Variants in VMP1 observed in about 807,000 individuals in gnomAD.
The protein encoded by VMP1 is vacuole membrane protein 1, also known as ectopic P-granules autophagy protein 3 homolog.
Under a neutral mutation model 56.0 loss-of-function variants are expected in VMP1, and 11 were observed. That is an observed-to-expected ratio of 0.20 (90% CI 0.12 to 0.32). VMP1 has a LOEUF of 0.32. Ranked by LOEUF, VMP1 falls within the 10% of genes least tolerant of loss-of-function variation. The pLI is 1.00. For synonymous variants in VMP1, 149 were observed against 165.0 expected, an observed-to-expected ratio of 0.90 and a Z score of 0.74; for missense variants, 296 against 490.3, an observed-to-expected ratio of 0.60 and a Z score of 3.74.
At chr17:59,757,265 A>C (rs978348915) in intron 5 of VMP1, among the ~76,000 whole-genome samples, 3 of 151,978 alleles carry the variant, frequency 2.0e-5, no homozygotes, top group East Asian at 3.8e-4. Context: ...AGATAGATAG[A>C]TAGATAGATA....
At chr17:59,836,245 T>A (rs3916528) in intron 10 of VMP1, among the ~76,000 whole-genome samples, 4,785 of 151,986 alleles carry the variant, frequency 0.031, 266 homozygotes, top group African/African-American at 0.11. Context: ...TTATTTATTT[T>A]TTTGAGGCAG....
intron 7 of VMP1, among the ~76,000 whole-genome samples, chr17:59,784,142 T>TGTGTGTGTGTGA (rs556387089): frequency 1.2e-3 from 154 of 130,444 alleles, no homozygotes; most frequent in South Asian, 6.1e-3. Context: ...TGTGTGTGTG[T>TGTGTGTGTGTGA]GAGAGAGAGA....
chr17:59,721,849 C>T (rs2034411611), intron 1 of VMP1, among the ~76,000 whole-genome samples: 4 of 152,194 alleles, frequency 2.6e-5, no homozygotes, highest in Admixed American at 1.3e-4. Flanking sequence ...TGGCAAAACC[C>T]CATCTATGTT....
chr17:59,814,814 A>G (rs1336481794), intron 9 of VMP1, among the ~76,000 whole-genome samples: 1 of 152,232 alleles, frequency 6.6e-6, no homozygotes, highest in Non-Finnish European at 1.5e-5. Context: ...CACTAAACTA[A>G]GACCGTGGGA....
intron 7 of VMP1, among the ~76,000 whole-genome samples, chr17:59,779,447 G>A (rs1301925313): frequency 6.6e-6 from 1 of 152,210 alleles, no homozygotes; most frequent in Non-Finnish European, 1.5e-5. Flanking sequence ...TCTTCTGGCA[G>A]TTCTGCTGAA....
intron 10 of VMP1, among the ~76,000 whole-genome samples, chr17:59,835,459 G>A (rs1318512556): frequency 6.6e-6 from 1 of 150,670 alleles, no homozygotes; most frequent in Admixed American, 6.6e-5. Flanking sequence ...ATTGATTTAT[G>A]AGAAGGAAAG....
Position 59,830,405 on chromosome 17 carries a change from A to G in VMP1, c.975-7890A>G, listed in dbSNP as rs555592941. 1.9e-3 allele frequency among the ~76,000 whole-genome samples: 296 copies of G among 152,132 alleles called. 1 individual carries two copies. Among genetic ancestry groups the G allele is most frequent in the African/African-American group, 6.7e-3 (280 of 41,492 alleles). ...CCCTGACCTGAATCTTCTCCTGAAA[A>G]ATTTTTTTTTTCATTTATAAGCTTT... On this transcript the variant is annotated intron_variant, in intron 10 of 11. Coordinates refer to ENST00000262291, the MANE Select transcript of VMP1 (RefSeq NM_030938.5).
At chr17:59,791,967 A>C (rs556835563) in intron 7 of VMP1, among the ~76,000 whole-genome samples, 2 of 152,120 alleles carry the variant, frequency 1.3e-5, no homozygotes, top group South Asian at 2.1e-4. Context: ...GCCATTTATA[A>C]ATTTGTTAAG....
chr17:59,833,988 C>T (rs1398785579), intron 10 of VMP1: 6 of 152,076 alleles, frequency 3.9e-5, no homozygotes, highest in South Asian at 4.1e-4. Context: ...TGTTTTGAGA[C>T]GGAGTTTCCC....
intron 10 of VMP1, 37 bp downstream of exon 10, chr17:59,817,810 A>G: frequency 6.6e-7 from 1 of 1,515,858 alleles, no homozygotes; most frequent in Non-Finnish European, 9.0e-7. Flanking sequence ...TAATATAATT[A>G]CTCTTTAAAT....
chr17:59,834,064 T>C (rs1184209834), intron 10 of VMP1: 2 of 151,398 alleles, frequency 1.3e-5, no homozygotes, highest in African/African-American at 2.4e-5. Flanking sequence ...CAAGCGATTC[T>C]CCTGCCTCAG....
chr17:59,760,576 ATGAT>A (rs961122342), intron 5 of VMP1, among the ~76,000 whole-genome samples: 1 of 152,094 alleles, frequency 6.6e-6, no homozygotes, highest in Non-Finnish European at 1.5e-5. Context: ...TCATTATGAC[ATGAT>A]TGTGATGATT....
intron 7 of VMP1, among the ~76,000 whole-genome samples, chr17:59,800,998 T>C (rs1426590746): frequency 4.0e-5 from 6 of 150,264 alleles, no homozygotes; most frequent in Admixed American, 2.0e-4. Flanking sequence ...GAGAATTGCT[T>C]GAATCCAGGA....
chr17:59,750,593 C>T (rs747812713), intron 5 of VMP1, among the ~76,000 whole-genome samples: 8 of 152,062 alleles, frequency 5.3e-5, no homozygotes, highest in South Asian at 2.1e-4. Context: ...TGAGCCACCA[C>T]GCCCAGCCCA....
chr17:59,783,551 G>A (rs1326142916), intron 7 of VMP1, among the ~76,000 whole-genome samples: 1 of 152,144 alleles, frequency 6.6e-6, no homozygotes, highest in Non-Finnish European at 1.5e-5. Flanking sequence ...TTTGTGGACT[G>A]TTTTATGCAA....
intron 9 of VMP1, among the ~76,000 whole-genome samples, chr17:59,814,942 T>G (rs2144243879): frequency 6.6e-6 from 1 of 152,252 alleles, no homozygotes; most frequent in East Asian, 1.9e-4. Context: ...GTAAACAATA[T>G]TAGTAATATA....
At chr17:59,743,574 C>A (rs974812072) in intron 5 of VMP1, among the ~76,000 whole-genome samples, 2 of 148,222 alleles carry the variant, frequency 1.3e-5, no homozygotes, top group African/African-American at 4.9e-5. Flanking sequence ...CTCTCTCTCT[C>A]TCTCTCTATA....
At chr17:59,804,989 AT>A in intron 7 of VMP1, among the ~76,000 whole-genome samples, 1 of 152,344 alleles carries the variant, frequency 6.6e-6, no homozygotes, top group East Asian at 1.9e-4. Flanking sequence ...TGTATGTTAA[AT>A]ACATAATAAA....
At chr17:59,755,257 G>A (rs1160332270) in intron 5 of VMP1, among the ~76,000 whole-genome samples, 5 of 151,618 alleles carry the variant, frequency 3.3e-5, no homozygotes, top group African/African-American at 1.2e-4. Context: ...ACAAGCATGC[G>A]CCACCACACC....
Sources: allele counts gnomAD v4.1 joint callset (sites outside exome capture counted in the v4.1 genomes callset), GRCh38; gene constraint gnomAD v4.1.1; transcripts MANE v1.5; gene names NCBI Gene and HGNC (gene_info 2026-07-23, HGNC 2026-07-21).